Variants in ELFN2 observed in about 807,000 individuals in gnomAD.
The protein encoded by ELFN2 is extracellular leucine rich repeat and fibronectin type III domain containing 2, also known as protein phosphatase 1 regulatory subunit 29.
ELFN2 carries 17 observed loss-of-function variants against 45.5 expected under a neutral mutation model. The observed-to-expected ratio is 0.37, with a 90% confidence interval of 0.26 to 0.56. The LOEUF is 0.56. ELFN2 is among the 20% of genes least tolerant of loss of function. ELFN2 has a pLI of 0.77. For synonymous variants in ELFN2, 550 were observed against 551.5 expected (o/e 1.00, Z 0.04); for missense variants, 922 against 1,183.2 (o/e 0.78, Z 3.24).
chr22:37,412,782 C>A (rs1310947314), intron 2 of ELFN2, among the ~76,000 whole-genome samples: 2 of 152,250 alleles, frequency 1.3e-5, no homozygotes, highest in African/African-American at 4.8e-5. Context: ...GCGGAGCTGT[C>A]TGTCCCTTCC....
At position 37,368,495 on chromosome 22, in the gene ELFN2, C is replaced by G. The variant is rs1931263021; in HGVS notation, c.*4577G>C. ...GCCTGAAGCCGCCTCTGGAGGCAAG[C>G]AGTATGGACCCTGGTTTTGTCTTAG... On this transcript the variant is annotated 3_prime_UTR_variant, in exon 3 of 3. Coordinates refer to ENST00000402918, the MANE Select transcript of ELFN2 (RefSeq NM_052906.5). 1.3e-5 allele frequency: 2 copies of G among 152,308 alleles called. No homozygotes were observed. Among genetic ancestry groups the G allele is most frequent in the Admixed American group, 1.3e-4 (2 of 15,288 alleles). The allele number at this position is 152,308 out of a possible 1,614,324, so 9.4% of individuals were successfully genotyped here.
At chr22:37,413,100 G>C (rs1932691123) in intron 2 of ELFN2, among the ~76,000 whole-genome samples, 1 of 152,274 alleles carries the variant, frequency 6.6e-6, no homozygotes, top group Admixed American at 6.5e-5. Context: ...CACAGACGGG[G>C]TGAGGTACAG....
downstream of ELFN2, among the ~76,000 whole-genome samples, chr22:37,367,365 C>G (rs1931228506): frequency 6.6e-6 from 1 of 152,208 alleles, no homozygotes; most frequent in Non-Finnish European, 1.5e-5. Context: ...GGATCGCTTC[C>G]CAGCCATGAA....
chr22:37,408,379 G>T (rs1418896402), intron 2 of ELFN2, among the ~76,000 whole-genome samples: 3 of 152,238 alleles, frequency 2.0e-5, no homozygotes, highest in Non-Finnish European at 4.4e-5. Flanking sequence ...ACCTGGTCAT[G>T]GGGCCTTGGC....
At chr22:37,414,631 A>G (rs1932732324) in intron 2 of ELFN2, among the ~76,000 whole-genome samples, 1 of 152,152 alleles carries the variant, frequency 6.6e-6, no homozygotes, top group Non-Finnish European at 1.5e-5. Context: ...GCTTCCATTA[A>G]TAGTCCTCCC....
chr22:37,418,442 G>A (rs973488069), intron 1 of ELFN2, among the ~76,000 whole-genome samples: 1 of 152,006 alleles, frequency 6.6e-6, no homozygotes, highest in South Asian at 2.1e-4. Flanking sequence ...GAACCAAGGG[G>A]CCCCCACTCC....
At chr22:37,418,713 C>T (rs778822027) in intron 1 of ELFN2, among the ~76,000 whole-genome samples, 1 of 152,066 alleles carries the variant, frequency 6.6e-6, no homozygotes, top group Non-Finnish European at 1.5e-5. Context: ...AACAAAGACA[C>T]CCTCGCCCTC....
chr22:37,355,135 G>C (rs552579052), intron 1 of ELFN2, among the ~76,000 whole-genome samples: 54 of 152,308 alleles, frequency 3.5e-4, no homozygotes, highest in Non-Finnish European at 7.3e-4. Context: ...GCCATAGCCT[G>C]TCAGTCTGTC....
At chr22:37,409,872 G>C (rs989343613) in intron 2 of ELFN2, among the ~76,000 whole-genome samples, 3 of 152,156 alleles carry the variant, frequency 2.0e-5, no homozygotes, top group Non-Finnish European at 4.4e-5. Flanking sequence ...GATGGTGTAC[G>C]TGTGTTTGTA....
intron 1 of ELFN2, among the ~76,000 whole-genome samples, chr22:37,422,954 G>GT (rs1932821078): frequency 6.8e-6 from 1 of 147,264 alleles, no homozygotes; most frequent in African/African-American, 2.6e-5. Context: ...GGGGGGGGGG[G>GT]GGGAAGTGAC....
chr22:37,383,211 C>A (rs532952704), intron 2 of ELFN2, among the ~76,000 whole-genome samples: 1 of 152,302 alleles, frequency 6.6e-6, no homozygotes, highest in Non-Finnish European at 1.5e-5. Context: ...GAAGCCTCCA[C>A]CTCCCTCGGC....
At chr22:37,403,017 C>G (rs1932403175) in intron 2 of ELFN2, among the ~76,000 whole-genome samples, 1 of 152,174 alleles carries the variant, frequency 6.6e-6, no homozygotes, top group Non-Finnish European at 1.5e-5. Flanking sequence ...CACTTGCCCA[C>G]AACTGCCCCC....
chr22:37,406,399 G>A (rs1171791920), intron 2 of ELFN2, among the ~76,000 whole-genome samples: 3 of 152,140 alleles, frequency 2.0e-5, no homozygotes, highest in African/African-American at 7.2e-5. Flanking sequence ...CACCCCAGAG[G>A]GCTGCACATC....
intron 2 of ELFN2, among the ~76,000 whole-genome samples, chr22:37,395,701 G>T (rs777902809): frequency 1.3e-5 from 2 of 152,198 alleles, no homozygotes; most frequent in Non-Finnish European, 2.9e-5. Context: ...GGTCCTGTCA[G>T]CACTGGCACA....
chr22:37,387,239 G>T (rs1018124704), intron 2 of ELFN2, among the ~76,000 whole-genome samples: 2 of 151,882 alleles, frequency 1.3e-5, no homozygotes, highest in Admixed American at 1.3e-4. Flanking sequence ...CCCACCTTCA[G>T]CCTGTTCCCC....
Position 37,373,065 on chromosome 22 carries a change from G to T in ELFN2, c.*7C>A, listed in dbSNP as rs368464304. 5.6e-5 allele frequency: 89 copies of T among 1,581,694 alleles called. No individual in the cohort carries two copies. In the African/African-American group the frequency reaches 8.0e-4, roughly 14 times the overall value. Reference sequence around the variant, plus strand: ...GGCTCCGACCTCACCAGGGAGGAAGGGGGGGGTCACAGCTTCTGCTGGGCG... The same window carrying T: ...GGCTCCGACCTCACCAGGGAGGAAGTGGGGGGTCACAGCTTCTGCTGGGCG... On this transcript the variant is annotated 3_prime_UTR_variant, in exon 3 of 3. Coordinates refer to ENST00000402918, the MANE Select transcript of ELFN2 (RefSeq NM_052906.5).
At chr22:37,363,804 C>A (rs1569128683), downstream of ELFN2, among the ~76,000 whole-genome samples, 1 of 152,200 alleles carries the variant, frequency 6.6e-6, no homozygotes, top group Non-Finnish European at 1.5e-5. Context: ...TGGCTGAGCT[C>A]CCAGAACGGC....
intron 2 of ELFN2, among the ~76,000 whole-genome samples, chr22:37,380,072 C>T (rs552569782): frequency 2.0e-5 from 3 of 152,332 alleles, no homozygotes; most frequent in Non-Finnish European, 4.4e-5. Context: ...GCTGAACCTC[C>T]GGGTCACATC....
intron 1 of ELFN2, among the ~76,000 whole-genome samples, chr22:37,348,252 G>C (rs1930741464): frequency 6.6e-6 from 1 of 152,238 alleles, no homozygotes; most frequent in African/African-American, 2.4e-5. Context: ...CATCTTCTTG[G>C]GGGAGGACAC....
Sources: gnomAD v4.1 joint callset for allele counts (sites outside exome capture counted in the v4.1 genomes callset) on GRCh38, gnomAD v4.1.1 for gene constraint, MANE v1.5 for transcripts, NCBI Gene and HGNC (gene_info 2026-07-23, HGNC 2026-07-21) for gene names.